Variants in TRAPPC12 observed in about 807,000 individuals in gnomAD.
TRAPPC12 encodes the protein trafficking protein particle complex subunit 12.
Under a neutral mutation model 69.2 loss-of-function variants are expected in TRAPPC12, and 61 were observed. The observed-to-expected ratio is 0.88, with a 90% confidence interval of 0.72 to 1.09. The LOEUF (loss-of-function observed/expected upper bound fraction) is 1.09, where lower values mean the gene tolerates loss of function less well. TRAPPC12 is among the 50% of genes least tolerant of loss of function. TRAPPC12 has a pLI of 0.00. For synonymous variants in TRAPPC12, 469 were observed against 438.9 expected (o/e 1.07, Z -0.86); for missense variants, 1,101 against 1,016.4 (o/e 1.08, Z -1.13).
At chr2:3,440,078 A>AC (rs1272932023) in intron 5 of TRAPPC12, among the ~76,000 whole-genome samples, 2 of 152,126 alleles carry the variant, frequency 1.3e-5, no homozygotes, top group African/African-American at 2.4e-5. Context: ...CCACACAGTC[A>AC]CCCAGTCTTT....
At chr2:3,453,070 C>A (rs555983440) in intron 6 of TRAPPC12, among the ~76,000 whole-genome samples, 1 of 152,344 alleles carries the variant, frequency 6.6e-6, no homozygotes, top group East Asian at 1.9e-4. Flanking sequence ...ACCGGACATC[C>A]CTGTTCTTGT....
In TRAPPC12 at chr2:3,387,695, G is replaced by A. The variant is rs1219106380; in HGVS notation, c.72G>A (p.Pro24=). Residue 24 remains proline, a synonymous_variant, in exon 2 of 12, where the codon CCG becomes CCA. Transcript: ENST00000324266. The part of the protein sequence containing the change: ...EAPHPPQLAP[P]EEQGLLFQEE... Reference sequence around the variant, plus strand: ...CGCACCCCCCTCAGCTCGCGCCTCCGGAGGAGCAGGGGTTGCTCTTCCAGG... The same window carrying A: ...CGCACCCCCCTCAGCTCGCGCCTCCAGAGGAGCAGGGGTTGCTCTTCCAGG... The A allele has an allele frequency of 1.3e-5, 20 of 1,578,088 alleles. No individual in the cohort carries two copies. The highest frequency in any genetic ancestry group is 2.4e-5 in the East Asian group (1 of 42,138).
At position 3,388,324 on chromosome 2, in the gene TRAPPC12, C is replaced by A. The variant is rs371953434; in HGVS notation, c.701C>A (p.Ser234Tyr). The change falls in exon 2 of 12, where the codon TCC (serine) becomes TAC (tyrosine). Residue 234 changes from serine (S) to tyrosine (Y), a missense_variant. By Grantham distance (144) the Ser-to-Tyr change is moderately radical. Transcript: ENST00000324266. ...FDSFTTSAFI[S>Y]VSNPGAGSPA... ...TCCTTTACTACCTCCGCCTTCATTT[C>A]CGTCAGCAATCCCGGCGCGGGCTCC... 8.1e-6 allele frequency: 13 copies of A among 1,603,598 alleles called. No individual in the cohort carries two copies. Among genetic ancestry groups the A allele is most frequent in the South Asian group, 1.1e-5 (1 of 89,986 alleles).
At chr2:3,442,702 A>G (rs1664286418) in intron 5 of TRAPPC12, among the ~76,000 whole-genome samples, 2 of 152,326 alleles carry the variant, frequency 1.3e-5, no homozygotes, top group East Asian at 3.9e-4. Context: ...CTTTGTTATT[A>G]AAGACCATAA....
chr2:3,383,203 ATTTG>A (rs1389721793), intron 1 of TRAPPC12, among the ~76,000 whole-genome samples: 1 of 151,866 alleles, frequency 6.6e-6, no homozygotes, highest in Non-Finnish European at 1.5e-5. Context: ...TCTCAGTTAC[ATTTG>A]TTTGTTTCAC....
intron 3 of TRAPPC12, among the ~76,000 whole-genome samples, chr2:3,415,559 A>G (rs1367837536): frequency 6.6e-6 from 1 of 151,382 alleles, no homozygotes; most frequent in Non-Finnish European, 1.5e-5. Flanking sequence ...GCTCACCACC[A>G]CATCTGGCTA....
intron 9 of TRAPPC12, among the ~76,000 whole-genome samples, chr2:3,470,739 G>A (rs1303762761): frequency 2.6e-5 from 4 of 152,112 alleles, no homozygotes; most frequent in Non-Finnish European, 5.9e-5. Context: ...CAAGAGCACT[G>A]AAATGCAAAC....
At chr2:3,429,997 T>G (rs550658557) in intron 5 of TRAPPC12, among the ~76,000 whole-genome samples, 20 of 152,356 alleles carry the variant, frequency 1.3e-4, no homozygotes, top group African/African-American at 4.1e-4. Context: ...AGGTCATGTT[T>G]TTACATATTT....
At chr2:3,435,376 CATT>C (rs534646052) in intron 5 of TRAPPC12, among the ~76,000 whole-genome samples, 3 of 152,268 alleles carry the variant, frequency 2.0e-5, no homozygotes, top group African/African-American at 7.2e-5. Flanking sequence ...TTTTAAATAA[CATT>C]AACATTTTTA....
chr2:3,436,629 T>G (rs1389291972), intron 5 of TRAPPC12, among the ~76,000 whole-genome samples: 1 of 152,012 alleles, frequency 6.6e-6, no homozygotes, highest in African/African-American at 2.4e-5. Context: ...ACTCTTGGTG[T>G]TGTCCCTTCT....
intron 8 of TRAPPC12, among the ~76,000 whole-genome samples, chr2:3,461,360 AG>A (rs908782826): frequency 3.3e-5 from 5 of 150,578 alleles, no homozygotes; most frequent in Non-Finnish European, 5.9e-5. Flanking sequence ...GCTTTAGCGC[AG>A]CCCCAGTGCC....
chr2:3,401,745 G>A (rs369752846), intron 2 of TRAPPC12, 32 bp from the exon 3 acceptor site: 14 of 1,445,316 alleles, frequency 9.7e-6, no homozygotes, highest in African/African-American at 8.6e-5. Flanking sequence ...ACATTTTATT[G>A]TCTTGACATA....
intron 9 of TRAPPC12, 65 bp from the exon 10 acceptor site, chr2:3,477,630 A>G: frequency 1.6e-5 from 15 of 943,310 alleles, no homozygotes; most frequent in East Asian, 1.5e-4. Context: ...TTAGGGAACT[A>G]AATATATGAG....
intron 6 of TRAPPC12, among the ~76,000 whole-genome samples, chr2:3,447,398 A>G (rs2103109118): frequency 6.6e-6 from 1 of 152,310 alleles, no homozygotes; most frequent in Non-Finnish European, 1.5e-5. Flanking sequence ...GCGCCTGGCC[A>G]GGAAGCTTTT....
chr2:3,445,946 T>C (rs1340608964), intron 6 of TRAPPC12, among the ~76,000 whole-genome samples: 1 of 152,228 alleles, frequency 6.6e-6, no homozygotes, highest in Admixed American at 6.5e-5. Flanking sequence ...TCTGCTGGGC[T>C]GGGCCCTCCT....
chr2:3,431,008 G>T (rs562113625), intron 5 of TRAPPC12, among the ~76,000 whole-genome samples: 1 of 152,342 alleles, frequency 6.6e-6, no homozygotes, highest in Admixed American at 6.5e-5. Flanking sequence ...CGTCCGCTGG[G>T]TGTGGAGGAG....
At chr2:3,382,382 C>G (rs1023293838) in intron 1 of TRAPPC12, among the ~76,000 whole-genome samples, 9 of 152,100 alleles carry the variant, frequency 5.9e-5, no homozygotes, top group Non-Finnish European at 1.0e-4. Flanking sequence ...GTCCGCCTGC[C>G]TCGGCCTCCC....
chr2:3,424,084 G>A (rs926800037), intron 4 of TRAPPC12, among the ~76,000 whole-genome samples: 7 of 152,180 alleles, frequency 4.6e-5, no homozygotes, highest in African/African-American at 1.7e-4. Context: ...CCCTCCACTA[G>A]GTGGCGCATT....
intron 7 of TRAPPC12, 33 bp downstream of exon 7, chr2:3,457,726 TC>T: frequency 4.4e-6 from 7 of 1,605,708 alleles, no homozygotes; most frequent in Non-Finnish European, 5.9e-6. Flanking sequence ...ACTAGATGCT[TC>T]TCGGACATCA....
Sources: gnomAD v4.1 joint callset for allele counts (sites outside exome capture counted in the v4.1 genomes callset) on GRCh38, gnomAD v4.1.1 for gene constraint, MANE v1.5 for transcripts, NCBI Gene and HGNC (gene_info 2026-07-23, HGNC 2026-07-21) for gene names.